The following IKZF1 variants were observed in gnomAD, a reference collection of about 807,000 sequenced individuals.
IKZF1 encodes the protein IKAROS family zinc finger 1.
In IKZF1, 10 loss-of-function variants were observed where a neutral mutation model predicts 51.7. That is an observed-to-expected ratio of 0.19 (90% CI 0.12 to 0.33). The LOEUF (loss-of-function observed/expected upper bound fraction) is 0.33. Ranked by LOEUF, IKZF1 falls within the 10% of genes least tolerant of loss-of-function variation. The pLI, the probability that IKZF1 is intolerant of heterozygous loss-of-function variation, is 1.00. For missense variants in IKZF1, 484 were observed against 707.5 expected (o/e 0.68, Z 3.58); for synonymous variants, 280 against 282.3 (o/e 0.99, Z 0.08).
At chr7:50,319,159 G>A (rs958259225) in intron 2 of IKZF1, 58 bp downstream of exon 2, 17 of 1,439,174 alleles carry the variant, frequency 1.2e-5, no homozygotes, top group East Asian at 6.8e-5. Context: ...CCCTGGGGCC[G>A]GAAGTCACAG....
rs1818253529 is a variant in IKZF1 at position 50,402,215 on chromosome 7, A to G, written c.*1588A>G. 2 of 230,608 alleles carry G rather than the reference A, an allele frequency of 8.7e-6. No individual in the cohort carries two copies. Among genetic ancestry groups the G allele is most frequent in the Admixed American group, 1.1e-4 (2 of 17,686 alleles). 14.3% of individuals were successfully genotyped at this position (230,608 alleles called of 1,614,324 possible). ...GAAGAATATACCATTTCAAATATTT[A>G]CAGTACTTGTCTTCACCAACACTGT... On this transcript the variant is annotated 3_prime_UTR_variant, in exon 8 of 8. Transcript: ENST00000331340.
rs905143296 is a variant in IKZF1 at position 50,376,476 on chromosome 7, T to C, written c.161-57T>C. The C allele has an allele frequency of 1.9e-6, 3 of 1,590,796 alleles. No homozygotes were observed. Among genetic ancestry groups the C allele is most frequent in the Non-Finnish European group, 2.6e-6 (3 of 1,169,466 alleles). ...ATTGTCTTTTTGCTGCTGTGTTGTT[T>C]TGTTGAGTTTTTTTTTTGCAATGAC... On this transcript the variant is annotated intron_variant, in intron 3 of 7. Transcript: ENST00000331340. This position sits in a 1 kb window ranked among gnomAD's most constrained non-coding sequence, Gnocchi z 4.5.
At chr7:50,393,237 A>G in intron 7 of IKZF1, among the ~76,000 whole-genome samples, 1 of 152,182 alleles carries the variant, frequency 6.6e-6, no homozygotes, top group East Asian at 1.9e-4. Context: ...CTGATTCTAG[A>G]GTAGTGTGCC....
At chr7:50,337,237 C>A (rs1241551001) in intron 3 of IKZF1, among the ~76,000 whole-genome samples, 1 of 152,102 alleles carries the variant, frequency 6.6e-6, no homozygotes, top group East Asian at 1.9e-4. Context: ...ATGGTATTTA[C>A]AGGGTAGTCT....
At chr7:50,353,948 C>T (rs1354509145) in intron 3 of IKZF1, among the ~76,000 whole-genome samples, 1 of 152,146 alleles carries the variant, frequency 6.6e-6, no homozygotes, top group Non-Finnish European at 1.5e-5. Flanking sequence ...AGGCCCCAAG[C>T]CAGGATGCTG....
At chr7:50,391,998 T>C in intron 7 of IKZF1, 135 bp downstream of exon 7, 1 of 1,242,394 alleles carries the variant, frequency 8.0e-7, no homozygotes, top group African/African-American at 1.5e-5. Flanking sequence ...AAGCTTAACA[T>C]TCCTTAAATA....
chr7:50,396,343 A>G (rs1466151960), intron 7 of IKZF1, among the ~76,000 whole-genome samples: 1 of 152,012 alleles, frequency 6.6e-6, no homozygotes, highest in African/African-American at 2.4e-5. Context: ...ATTACTTGCT[A>G]TTTTTAATCC....
intron 1 of IKZF1, among the ~76,000 whole-genome samples, chr7:50,309,718 T>C (rs1458319278): frequency 1.3e-5 from 2 of 152,254 alleles, no homozygotes; most frequent in Admixed American, 6.5e-5. Context: ...TATTGATTTA[T>C]CAGTTTTTGA....
chr7:50,354,836 G>A (rs142930711), intron 3 of IKZF1, among the ~76,000 whole-genome samples: 3 of 152,258 alleles, frequency 2.0e-5, no homozygotes, highest in South Asian at 2.1e-4. Context: ...CCTCCAGCTT[G>A]TTGAATGCCC....
intron 3 of IKZF1, among the ~76,000 whole-genome samples, chr7:50,357,535 A>C (rs1316757170): frequency 1.3e-5 from 2 of 152,154 alleles, no homozygotes; most frequent in African/African-American, 4.8e-5. Context: ...CCCAGTACCC[A>C]GGGCTGCTGT....
At chr7:50,317,306 A>G (rs1294549785) in intron 1 of IKZF1, among the ~76,000 whole-genome samples, 3 of 152,374 alleles carry the variant, frequency 2.0e-5, no homozygotes, top group Non-Finnish European at 1.5e-5. Flanking sequence ...ACACATCTTC[A>G]GAAAACTAGA....
At chr7:50,363,176 T>C (rs1015511069) in intron 3 of IKZF1, among the ~76,000 whole-genome samples, 1 of 152,228 alleles carries the variant, frequency 6.6e-6, no homozygotes, top group South Asian at 2.1e-4. Flanking sequence ...TGGGTGTGCA[T>C]GTTCCAGGCA....
At chr7:50,305,894 T>G (rs1386147599) in intron 1 of IKZF1, among the ~76,000 whole-genome samples, 1 of 152,142 alleles carries the variant, frequency 6.6e-6, no homozygotes, top group Non-Finnish European at 1.5e-5. Flanking sequence ...AGGTTCAATT[T>G]GGTTATGAGT....
chr7:50,347,089 T>G (rs989319541), intron 3 of IKZF1, among the ~76,000 whole-genome samples: 1 of 152,226 alleles, frequency 6.6e-6, no homozygotes, highest in African/African-American at 2.4e-5. Flanking sequence ...TATCGTTATC[T>G]CATTTGGTTC....
chr7:50,391,323 G>A (rs574259180), intron 6 of IKZF1, among the ~76,000 whole-genome samples: 158 of 152,306 alleles, frequency 1.0e-3, no homozygotes, highest in African/African-American at 3.8e-3. Flanking sequence ...GAAGTCAGAT[G>A]TTAGATCACA....
chr7:50,341,384 C>T (rs1799039926), intron 3 of IKZF1, among the ~76,000 whole-genome samples: 4 of 152,122 alleles, frequency 2.6e-5, no homozygotes, highest in Non-Finnish European at 5.9e-5. Context: ...TTCAGGTAAT[C>T]CACCTGCCTC....
At chr7:50,355,603 T>A (rs1177401304) in intron 3 of IKZF1, among the ~76,000 whole-genome samples, 1 of 148,806 alleles carries the variant, frequency 6.7e-6, no homozygotes, top group East Asian at 2.0e-4. Flanking sequence ...CTCCAAAGTT[T>A]AATGTGTTAG....
chr7:50,377,024 G>T, intron 4 of IKZF1: 2 of 660,886 alleles, frequency 3.0e-6, no homozygotes, highest in Non-Finnish European at 4.9e-6. Context: ...ATAAAACAAG[G>T]GAAAAGTGAA....
At chr7:50,338,173 T>C (rs1798233554) in intron 3 of IKZF1, among the ~76,000 whole-genome samples, 1 of 152,246 alleles carries the variant, frequency 6.6e-6, no homozygotes, top group African/African-American at 2.4e-5. Flanking sequence ...GATGACTATG[T>C]GTCTTCAAAG....
Sources: allele counts gnomAD v4.1 joint callset (sites outside exome capture counted in the v4.1 genomes callset), GRCh38; gene constraint gnomAD v4.1.1; non-coding constraint Gnocchi (gnomAD v3.1); transcripts MANE v1.5; gene names NCBI Gene and HGNC (gene_info 2026-07-23, HGNC 2026-07-21).